The following SOS2 variants were observed in gnomAD, a reference collection of about 807,000 sequenced individuals.
SOS2 encodes the protein son of sevenless homolog 2.
In SOS2, 65 loss-of-function variants were observed where a neutral mutation model predicts 148.2. That is an observed-to-expected ratio of 0.44 (90% CI 0.36 to 0.54). The LOEUF (loss-of-function observed/expected upper bound fraction) is 0.54. Among genes scored for constraint, SOS2 ranks in the 20% least tolerant of loss-of-function variants. SOS2 has a pLI of 0.00. For synonymous variants in SOS2, 539 were observed against 537.1 expected (o/e 1.00, Z -0.05); for missense variants, 1,341 against 1,590.2 (o/e 0.84, Z 2.67).
intron 4 of SOS2, among the ~76,000 whole-genome samples, chr14:50,192,111 C>A (rs1886157904): frequency 7.1e-6 from 1 of 140,570 alleles, no homozygotes; most frequent in Non-Finnish European, 1.5e-5. Flanking sequence ...GTGTTCACAC[C>A]ACCGTACTCC....
At chr14:50,146,749 G>C (rs1884488152) in intron 14 of SOS2, among the ~76,000 whole-genome samples, 1 of 152,180 alleles carries the variant, frequency 6.6e-6, no homozygotes, top group Admixed American at 6.5e-5. Flanking sequence ...CCAGAGACTG[G>C]ATAAATTGTG....
intron 14 of SOS2, among the ~76,000 whole-genome samples, chr14:50,147,908 G>A (rs1431229842): frequency 6.6e-6 from 1 of 151,100 alleles, no homozygotes; most frequent in East Asian, 2.0e-4. Flanking sequence ...ACTGCCTGAG[G>A]CCAGGAGTTC....
chr14:50,160,379 CTTTTTTTTTTTTTT>C (rs200021758), intron 9 of SOS2, among the ~76,000 whole-genome samples: 23 of 78,924 alleles, frequency 2.9e-4, no homozygotes, highest in East Asian at 8.5e-4. Context: ...CAATGCTAAT[CTTTTTTTTTTTTTT>C]TTTTTTTTTT....
chr14:50,203,320 A>T (rs1886556451), intron 2 of SOS2, among the ~76,000 whole-genome samples: 1 of 152,096 alleles, frequency 6.6e-6, no homozygotes, highest in Non-Finnish European at 1.5e-5. Flanking sequence ...GTGAGCCAAG[A>T]TCACACCACT....
At chr14:50,191,637 TG>T (rs1886141976) in intron 4 of SOS2, among the ~76,000 whole-genome samples, 3 of 152,116 alleles carry the variant, frequency 2.0e-5, no homozygotes, top group Non-Finnish European at 4.4e-5. Context: ...CCAAAGTTCC[TG>T]AATTTAAATG....
intron 1 of SOS2, among the ~76,000 whole-genome samples, chr14:50,220,896 C>A (rs140975884): frequency 6.6e-6 from 1 of 152,166 alleles, no homozygotes; most frequent in Non-Finnish European, 1.5e-5. Flanking sequence ...AGGTCATTTG[C>A]TTGTAAACCC....
At chr14:50,223,501 C>T (rs953193301) in intron 1 of SOS2, among the ~76,000 whole-genome samples, 10 of 152,052 alleles carry the variant, frequency 6.6e-5, no homozygotes, top group African/African-American at 2.2e-4. Flanking sequence ...GGTGAAACCC[C>T]GTCTCTACTA....
intron 18 of SOS2, among the ~76,000 whole-genome samples, chr14:50,138,328 T>G (rs1445215849): frequency 6.6e-6 from 1 of 151,902 alleles, no homozygotes; most frequent in Non-Finnish European, 1.5e-5. Flanking sequence ...AGCTAATTTT[T>G]TTTTATATTT....
chr14:50,225,672 T>TA (rs1321817814), intron 1 of SOS2, among the ~76,000 whole-genome samples: 6 of 152,216 alleles, frequency 3.9e-5, no homozygotes, highest in Admixed American at 1.3e-4. Context: ...GTTCTACTGT[T>TA]ACATTCAGCG....
At chr14:50,161,126 C>G (rs1367611196) in intron 9 of SOS2, among the ~76,000 whole-genome samples, 1 of 152,002 alleles carries the variant, frequency 6.6e-6, no homozygotes, top group Non-Finnish European at 1.5e-5. Context: ...AACCCCGTCT[C>G]TACTAAAAAT....
intron 5 of SOS2, among the ~76,000 whole-genome samples, chr14:50,187,708 G>A (rs981495633): frequency 3.3e-5 from 5 of 152,172 alleles, no homozygotes; most frequent in Middle Eastern, 3.4e-3. Context: ...TAAATCATGT[G>A]ATAAAAGAAA....
intron 15 of SOS2, 57 bp from the exon 16 acceptor site, chr14:50,145,389 A>G: frequency 1.3e-6 from 2 of 1,563,628 alleles, no homozygotes; most frequent in South Asian, 1.2e-5. Context: ...CTTAGAAAAC[A>G]AGATAATTAT....
At chr14:50,131,712 G>A (rs1883879817) in intron 19 of SOS2, among the ~76,000 whole-genome samples, 1 of 152,182 alleles carries the variant, frequency 6.6e-6, no homozygotes, top group Non-Finnish European at 1.5e-5. Context: ...GAAGAATGGT[G>A]AGATCACTAA....
chr14:50,165,706 T>C (rs895289294), intron 8 of SOS2, among the ~76,000 whole-genome samples: 15 of 152,350 alleles, frequency 9.8e-5, no homozygotes, highest in African/African-American at 3.1e-4. Context: ...CACTAGGTGG[T>C]TGTCAGAAGT....
At chr14:50,177,091 T>C (rs10143352) in intron 7 of SOS2, among the ~76,000 whole-genome samples, 46,193 of 151,926 alleles carry the variant, frequency 0.3, 7,265 homozygotes, top group Admixed American at 0.41. Context: ...TGCTACACAG[T>C]CCAGGTATGG....
At chr14:50,156,186 A>C (rs1884811495) in intron 12 of SOS2, 1 of 152,060 alleles carries the variant, frequency 6.6e-6, no homozygotes, top group Non-Finnish European at 1.5e-5. Context: ...GAGGAAGATA[A>C]TACTTTGGTT....
chr14:50,168,996 T>C (rs372056547), intron 8 of SOS2, among the ~76,000 whole-genome samples: 46 of 152,266 alleles, frequency 3.0e-4, no homozygotes, highest in East Asian at 2.3e-3. Flanking sequence ...ATACCATATA[T>C]AGTTACCTAA....
intron 18 of SOS2, among the ~76,000 whole-genome samples, chr14:50,136,591 CTTTTT>C (rs33937285): frequency 3.6e-5 from 5 of 139,452 alleles, no homozygotes; most frequent in South Asian, 2.3e-4. Context: ...GAGCAAGTAT[CTTTTT>C]TTTTTTTTTT....
intron 1 of SOS2, among the ~76,000 whole-genome samples, chr14:50,223,445 C>A (rs1039142674): frequency 6.6e-6 from 1 of 151,988 alleles, no homozygotes; most frequent in Non-Finnish European, 1.5e-5. Context: ...GAGGCCGGGG[C>A]GGGCAGGTGA....
Sources: allele counts gnomAD v4.1 joint callset (sites outside exome capture counted in the v4.1 genomes callset), GRCh38; gene constraint gnomAD v4.1.1; transcripts MANE v1.5; gene names NCBI Gene and HGNC (gene_info 2026-07-23, HGNC 2026-07-21).